The following GUCY1A2 variants were observed in gnomAD, a reference collection of about 807,000 sequenced individuals.
GUCY1A2 encodes the protein guanylate cyclase 1 soluble subunit alpha 2.
In GUCY1A2, 27 loss-of-function variants were observed where a neutral mutation model predicts 63.5. That is an observed-to-expected ratio of 0.43 (90% CI 0.31 to 0.59). The LOEUF (loss-of-function observed/expected upper bound fraction) is 0.59. Among genes scored for constraint, GUCY1A2 ranks in the 20% least tolerant of loss-of-function variants. The pLI, the probability that GUCY1A2 is intolerant of heterozygous loss-of-function variation, is 0.11. For missense variants in GUCY1A2, 768 were observed against 913.3 expected, an observed-to-expected ratio of 0.84 and a Z score of 2.05; for synonymous variants, 364 against 343.5, an observed-to-expected ratio of 1.06 and a Z score of -0.66.
At chr11:106,797,042 T>C (rs1036147024) in intron 5 of GUCY1A2, among the ~76,000 whole-genome samples, 2 of 152,156 alleles carry the variant, frequency 1.3e-5, no homozygotes, top group Admixed American at 6.6e-5. Context: ...CAATCACTGA[T>C]ACCCTTTCTT....
chr11:106,704,311 C>T (rs569361695), intron 7 of GUCY1A2, among the ~76,000 whole-genome samples: 2 of 152,282 alleles, frequency 1.3e-5, no homozygotes, highest in Non-Finnish European at 2.9e-5. Flanking sequence ...AAAAATATCA[C>T]ATTAAATGCC....
intron 4 of GUCY1A2, among the ~76,000 whole-genome samples, chr11:106,916,292 A>G (rs1212306561): frequency 6.9e-6 from 1 of 145,338 alleles, no homozygotes; most frequent in African/African-American, 2.4e-5. Context: ...TTTAGCAAAA[A>G]TCCAAAATTT....
At chr11:106,880,696 T>C (rs1337371811) in intron 4 of GUCY1A2, among the ~76,000 whole-genome samples, 1 of 152,062 alleles carries the variant, frequency 6.6e-6, no homozygotes, top group Non-Finnish European at 1.5e-5. Flanking sequence ...GTGGATTAAA[T>C]GGTTACATAG....
chr11:106,929,303 T>A (rs1441482789), intron 4 of GUCY1A2, among the ~76,000 whole-genome samples: 3 of 152,188 alleles, frequency 2.0e-5, no homozygotes, highest in Non-Finnish European at 2.9e-5. Flanking sequence ...CATTGCATTT[T>A]GAGGAGCAGA....
At chr11:106,938,404 T>C (rs766206703) in intron 4 of GUCY1A2, among the ~76,000 whole-genome samples, 3 of 152,228 alleles carry the variant, frequency 2.0e-5, no homozygotes, top group Non-Finnish European at 4.4e-5. Context: ...CCAGAATATG[T>C]ATATTTTCAC....
rs1313995557 is a variant in GUCY1A2 at position 106,709,520 on chromosome 11, A to T, written c.1837-854T>A. Reference sequence around the variant, plus strand: ...TATAATAATATATATTATTCTATAAATATAATAATAATATAATATATTATA... The same window carrying T: ...TATAATAATATATATTATTCTATAATTATAATAATAATATAATATATTATA... On this transcript the variant is annotated intron_variant, in intron 6 of 7. Transcript: ENST00000526355. Among the ~76,000 whole-genome samples the T allele has an allele frequency of 4.9e-3, 262 of 53,590 alleles. 32 individuals are homozygous for T. The highest frequency in any genetic ancestry group is 6.2e-3 in the Non-Finnish European group (208 of 33,376). 35.2% of individuals were successfully genotyped at this position (53,590 alleles called of 152,430 possible).
chr11:106,812,897 A>G (rs1350977348), intron 4 of GUCY1A2, among the ~76,000 whole-genome samples: 1 of 152,048 alleles, frequency 6.6e-6, no homozygotes, highest in Non-Finnish European at 1.5e-5. Flanking sequence ...ATTTTCTATC[A>G]GTGAACTTTT....
chr11:106,856,959 A>T (rs1470510889), intron 4 of GUCY1A2, among the ~76,000 whole-genome samples: 1 of 152,202 alleles, frequency 6.6e-6, no homozygotes. Context: ...AAACAAAGCT[A>T]ATCTCCAAAT....
intron 3 of GUCY1A2, among the ~76,000 whole-genome samples, chr11:106,971,726 C>G (rs1861197137): frequency 6.6e-6 from 1 of 152,086 alleles, no homozygotes; most frequent in African/African-American, 2.4e-5. Flanking sequence ...CACATATATT[C>G]TCTTGCTCTG....
intron 3 of GUCY1A2, among the ~76,000 whole-genome samples, chr11:106,957,855 CTTTTTTTTTTTTTTTTTTTTTT>C (rs59519013): frequency 1.1e-5 from 1 of 87,244 alleles, no homozygotes; most frequent in Non-Finnish European, 2.0e-5. Flanking sequence ...AAGGGACAAA[CTTTTTTTTTTTTTTTTTTTTTT>C]TTTTTTTTTT....
intron 1 of GUCY1A2, among the ~76,000 whole-genome samples, chr11:107,014,971 T>C (rs886522153): frequency 6.6e-6 from 1 of 152,240 alleles, no homozygotes; most frequent in Non-Finnish European, 1.5e-5. Context: ...TGAAGAGTAT[T>C]CAAAGAAGTT....
intron 4 of GUCY1A2, among the ~76,000 whole-genome samples, chr11:106,909,313 G>C (rs1860258478): frequency 6.9e-6 from 1 of 144,592 alleles, no homozygotes; most frequent in Non-Finnish European, 1.5e-5. Context: ...TATTGACATT[G>C]ATAAAATCTA....
chr11:107,017,499 C>A (rs1248806198), intron 1 of GUCY1A2, among the ~76,000 whole-genome samples: 2 of 152,186 alleles, frequency 1.3e-5, no homozygotes, highest in Non-Finnish European at 2.9e-5. Flanking sequence ...TAGAGGTGGG[C>A]AGACAGGCCC....
At chr11:106,949,779 G>A (rs980556319) in intron 3 of GUCY1A2, among the ~76,000 whole-genome samples, 1 of 152,168 alleles carries the variant, frequency 6.6e-6, no homozygotes, top group South Asian at 2.1e-4. Context: ...AAACATATAT[G>A]CTAAGGTCCA....
At chr11:106,966,440 A>G (rs1210232832) in intron 3 of GUCY1A2, among the ~76,000 whole-genome samples, 1 of 151,528 alleles carries the variant, frequency 6.6e-6, no homozygotes, top group Non-Finnish European at 1.5e-5. Flanking sequence ...AGCATGCATC[A>G]CTCTGAAGTT....
At chr11:106,709,086 TTC>T (rs1462970378) in intron 6 of GUCY1A2, among the ~76,000 whole-genome samples, 4 of 135,792 alleles carry the variant, frequency 2.9e-5, no homozygotes, top group East Asian at 4.1e-4. Flanking sequence ...ATATTTATAT[TTC>T]TGTTTATTTT....
chr11:106,984,711 G>T (rs913639014), intron 2 of GUCY1A2, among the ~76,000 whole-genome samples: 2 of 152,078 alleles, frequency 1.3e-5, no homozygotes, highest in Non-Finnish European at 2.9e-5. Context: ...CACATACGAG[G>T]AACTATTTTA....
At chr11:106,855,101 G>C (rs1038863359) in intron 4 of GUCY1A2, among the ~76,000 whole-genome samples, 1 of 152,096 alleles carries the variant, frequency 6.6e-6, no homozygotes, top group Non-Finnish European at 1.5e-5. Context: ...GGTTCTCAAA[G>C]TGGCTCCATG....
At chr11:106,878,028 A>C (rs933556547) in intron 4 of GUCY1A2, among the ~76,000 whole-genome samples, 1 of 152,198 alleles carries the variant, frequency 6.6e-6, no homozygotes, top group Non-Finnish European at 1.5e-5. Flanking sequence ...ATATGAAAAA[A>C]AACTCAAAAT....
Sources: gnomAD v4.1 joint callset for allele counts (sites outside exome capture counted in the v4.1 genomes callset) on GRCh38, gnomAD v4.1.1 for gene constraint, MANE v1.5 for transcripts, NCBI Gene and HGNC (gene_info 2026-07-23, HGNC 2026-07-21) for gene names.